The following CASS4 variants were observed in gnomAD, a reference collection of about 807,000 sequenced individuals.
CASS4 encodes cas scaffolding protein family member 4.
In CASS4, 22 loss-of-function variants were observed where a neutral mutation model predicts 54.2. The ratio of observed to expected loss-of-function variants is 0.41; its 90% CI spans 0.29 to 0.58. The LOEUF is 0.58. Ranked by LOEUF, CASS4 falls within the 20% of genes least tolerant of loss-of-function variation. CASS4 has a pLI of 0.36. For missense variants in CASS4, 854 were observed against 986.7 expected, an observed-to-expected ratio of 0.87 and a Z score of 1.80; for synonymous variants, 409 against 391.5, an observed-to-expected ratio of 1.04 and a Z score of -0.53.
chr20:56,444,086 G>T (rs1027812864), intron 2 of CASS4, among the ~76,000 whole-genome samples: 1 of 152,162 alleles, frequency 6.6e-6, no homozygotes, highest in Non-Finnish European at 1.5e-5. Context: ...GTCTGCATCC[G>T]TGAGTCTAGC....
chr20:56,419,487 G>A (rs1190815035), intron 1 of CASS4, among the ~76,000 whole-genome samples: 4 of 152,118 alleles, frequency 2.6e-5, no homozygotes, highest in African/African-American at 9.7e-5. Context: ...GAGTACAGTG[G>A]CACAATCTCA....
At chr20:56,421,682 TGA>T (rs2146265741) in intron 1 of CASS4, among the ~76,000 whole-genome samples, 1 of 152,244 alleles carries the variant, frequency 6.6e-6, no homozygotes, top group East Asian at 1.9e-4. Flanking sequence ...GGTGACAAAG[TGA>T]GACCCTGTCT....
chr20:56,443,475 A>C (rs1335409017), intron 2 of CASS4, among the ~76,000 whole-genome samples: 1 of 148,742 alleles, frequency 6.7e-6, no homozygotes, highest in Non-Finnish European at 1.5e-5. Flanking sequence ...TCTCCAAAAA[A>C]AAAAAGAAGC....
In CASS4 at chr20:56,412,597, T is replaced by G; in HGVS notation, c.36+103T>G. 8.3e-7 allele frequency: 1 copy of G among 1,205,976 alleles called. No individual in the cohort carries two copies. The allele number at this position is 1,205,976 out of a possible 1,614,324, so 74.7% of individuals were successfully genotyped here. On this transcript the variant is annotated intron_variant, in intron 1 of 5. Coordinates refer to ENST00000679887, the MANE Select transcript of CASS4 (RefSeq NM_020356.4). The surrounding 1 kb of genome is among the most constrained non-coding windows in gnomAD (Gnocchi z 4.2). ...TTGTGACTTTCTAATAAAGGTTGAA[T>G]ACCAGTGACGTGTGAGTTGGAGATG... is the stretch of plus-strand genomic sequence containing the variant.
At chr20:56,439,724 A>T (rs1002746663) in intron 2 of CASS4, among the ~76,000 whole-genome samples, 1 of 152,150 alleles carries the variant, frequency 6.6e-6, no homozygotes, top group Non-Finnish European at 1.5e-5. Flanking sequence ...TTTTTTTAAT[A>T]AGGAAAAGAA....
chr20:56,458,193 A>G (rs1056891985), intron 5 of CASS4, 147 bp from the exon 6 acceptor site: 1 of 606,918 alleles, frequency 1.6e-6, no homozygotes, highest in African/African-American at 1.8e-5. Flanking sequence ...TTGTTAGACA[A>G]CTGTTGCAGT....
Position 56,412,381 on chromosome 20 carries a change from C to T in CASS4, c.-78C>T. 2 of 1,451,300 alleles carry T rather than the reference C, an allele frequency of 1.4e-6. No homozygotes were observed. Among genetic ancestry groups the T allele is most frequent in the African/African-American group, 1.4e-5 (1 of 71,678 alleles). The allele number at this position is 1,451,300 out of a possible 1,614,324, so 89.9% of individuals were successfully genotyped here. On this transcript the variant is annotated 5_prime_UTR_variant, in exon 1 of 6. The change creates a premature stop within an existing upstream ORF in the 5' untranslated region. Transcript: ENST00000679887. This position sits in a 1 kb window ranked among gnomAD's most constrained non-coding sequence, Gnocchi z 4.2. ...TTTCTGAGAACCAGCCAGAAGCATG[C>T]AGTGACATTGCACAATCTGCCTCTG...
chr20:56,429,262 T>C (rs765826913), intron 1 of CASS4, among the ~76,000 whole-genome samples: 9 of 152,282 alleles, frequency 5.9e-5, no homozygotes, highest in Non-Finnish European at 1.3e-4. Flanking sequence ...CTTCTTACTT[T>C]CCCTGGCCCA....
chr20:56,446,000 A>G lies in CASS4; in HGVS notation c.560A>G (p.Lys187Arg), dbSNP rs144420438. The G allele has an allele frequency of 1.6e-5, 25 of 1,610,700 alleles. No homozygotes were observed. The highest frequency in any genetic ancestry group is 2.1e-5 in the Non-Finnish European group (25 of 1,178,330). Residue 187 changes from lysine (K) to arginine (R), a missense_variant and splice_region_variant, in exon 3 of 6, where the codon AAG becomes AGG. Physicochemically the swap from Lys to Arg is conservative, Grantham distance 26. Coordinates refer to ENST00000679887, the MANE Select transcript of CASS4 (RefSeq NM_020356.4). ...PTQHRGPVVL[K>R]EPEKQQLYDI... is the part of the protein sequence containing the mutation. ...CAGCACCGGGGCCCCGTGGTCCTGA[A>G]GGTGAGCCTTGTTCAGGGGCCCCTC...
chr20:56,455,093 A>G lies in CASS4; in HGVS notation c.1953+1964A>G, dbSNP rs536299815. On this transcript the variant is annotated intron_variant, in intron 5 of 5. Transcript: ENST00000679887. ...GCAAATCTTGATTTGGGGCTTGTAT[A>G]TCTTCAACACCTCTTTTACACTTGA... 4.0e-5 allele frequency among the ~76,000 whole-genome samples: 6 copies of G among 151,812 alleles called. No individual in the cohort carries two copies. In the South Asian group the frequency reaches 1.2e-3, roughly 32 times the overall value.
At chr20:56,425,526 C>A (rs1197617133) in intron 1 of CASS4, among the ~76,000 whole-genome samples, 1 of 152,196 alleles carries the variant, frequency 6.6e-6, no homozygotes, top group Non-Finnish European at 1.5e-5. Flanking sequence ...CCTGGAAGTT[C>A]AGGGAGGTAA....
At chr20:56,425,781 G>A (rs914714440) in intron 1 of CASS4, among the ~76,000 whole-genome samples, 1 of 152,138 alleles carries the variant, frequency 6.6e-6, no homozygotes, top group Non-Finnish European at 1.5e-5. Flanking sequence ...AAATGAACAT[G>A]GACTCAAAGT....
At chr20:56,444,447 C>T (rs1980611378) in intron 2 of CASS4, among the ~76,000 whole-genome samples, 1 of 152,212 alleles carries the variant, frequency 6.6e-6, no homozygotes, top group African/African-American at 2.4e-5. Context: ...GTCTTGCTTA[C>T]CAGCCTGTGC....
At chr20:56,421,207 T>G (rs1050254917) in intron 1 of CASS4, among the ~76,000 whole-genome samples, 1 of 152,218 alleles carries the variant, frequency 6.6e-6, no homozygotes, top group African/African-American at 2.4e-5. Flanking sequence ...AGAACAGTTT[T>G]TGTACAATAC....
At position 56,445,940 on chromosome 20, in the gene CASS4, C is replaced by T. The variant is rs778711376; in HGVS notation, c.500C>T (p.Pro167Leu). The T allele has an allele frequency of 8.7e-6, 14 of 1,613,938 alleles. No individual in the cohort carries two copies. Among genetic ancestry groups the T allele is most frequent in the African/African-American group, 4.0e-5 (3 of 74,916 alleles). Residue 167 changes from proline (P) to leucine (L), a missense_variant, in exon 3 of 6, where the codon CCG becomes CTG. Transcript: ENST00000679887. ...CCCAGACCTGTCCGGGCCTCACTGC[C>T]GACTCTGCCTTCCCAGGTGTATGAC... Reference protein sequence around the residue: ...TLPRPVRASLPTLPSQVYDVP... With the variant: ...TLPRPVRASLLTLPSQVYDVP...
intron 1 of CASS4, among the ~76,000 whole-genome samples, chr20:56,435,146 T>C (rs1188757647): frequency 6.6e-6 from 1 of 152,222 alleles, no homozygotes; most frequent in East Asian, 1.9e-4. Context: ...AGACTTGTAG[T>C]AGTGTTTCCC....
intron 1 of CASS4, among the ~76,000 whole-genome samples, chr20:56,432,220 T>A (rs914494893): frequency 6.6e-6 from 1 of 152,334 alleles, no homozygotes; most frequent in East Asian, 1.9e-4. Flanking sequence ...ATAATAAACC[T>A]TTCAGATTAT....
At chr20:56,421,079 C>A (rs1979389278) in intron 1 of CASS4, among the ~76,000 whole-genome samples, 1 of 152,178 alleles carries the variant, frequency 6.6e-6, no homozygotes, top group Non-Finnish European at 1.5e-5. Flanking sequence ...AAGCCTGAAC[C>A]TTCACTCATT....
chr20:56,433,407 A>G (rs1043320667), intron 1 of CASS4, among the ~76,000 whole-genome samples: 1 of 152,122 alleles, frequency 6.6e-6, no homozygotes, highest in Admixed American at 6.5e-5. Context: ...AGTGATACCT[A>G]TGAGTCTGGA....
Sources: gnomAD v4.1 joint callset for allele counts (sites outside exome capture counted in the v4.1 genomes callset) on GRCh38, gnomAD v4.1.1 for gene constraint, Gnocchi (gnomAD v3.1) non-coding constraint, MANE v1.5 for transcripts, NCBI Gene and HGNC (gene_info 2026-07-23, HGNC 2026-07-21) for gene names.